PPARG: variants seen among roughly 807,000 people sequenced by gnomAD.
PPARG encodes the protein peroxisome proliferator activated receptor gamma.
PPARG carries 17 observed loss-of-function variants against 39.2 expected under a neutral mutation model. The observed-to-expected ratio is 0.43, with a 90% CI of 0.30 to 0.65. The LOEUF is 0.65. Ranked by LOEUF, PPARG falls within the 30% of genes least tolerant of loss-of-function variation. PPARG has a pLI of 0.13. For synonymous variants in PPARG, 223 were observed against 215.7 expected (o/e 1.03, Z -0.30); for missense variants, 406 against 585.9 (o/e 0.69, Z 3.17).
intron 2 of PPARG, among the ~76,000 whole-genome samples, chr3:12,347,724 A>G (rs1245662605): frequency 2.0e-5 from 3 of 152,316 alleles, no homozygotes; most frequent in South Asian, 2.1e-4. Context: ...AAGAAAATGG[A>G]TGCTATTATC....
intron 2 of PPARG, among the ~76,000 whole-genome samples, chr3:12,324,653 C>T (rs577512586): frequency 1.4e-4 from 21 of 152,204 alleles, no homozygotes; most frequent in African/African-American, 4.1e-4. Flanking sequence ...TGGAATGGAG[C>T]AGCCTTGATC....
At chr3:12,288,082 G>C (rs1193289451), upstream of PPARG, 1 of 153,256 alleles carries the variant, frequency 6.5e-6, no homozygotes, top group Non-Finnish European at 1.4e-5. Flanking sequence ...GGAGTGCTCA[G>C]GGAGGGGGCG....
rs561372151 is a variant in PPARG, at chr3:12,336,446, G to GA, written c.-9+24002dup. Among the ~76,000 whole-genome samples, 5 of 149,826 alleles carry GA rather than the reference G, an allele frequency of 3.3e-5. No individual in the cohort carries two copies. In the East Asian group the frequency reaches 5.8e-4, roughly 17 times the overall value. On this transcript the variant is annotated intron_variant, in intron 2 of 7. Coordinates refer to ENST00000651735, the MANE Select transcript of PPARG (RefSeq NM_138711.6). ...TGACATCTACTAGAAACACTTCAGA[G>GA]AAAAAAAAAGATGGAAGATAATAGT...
At chr3:12,337,831 A>G (rs1408937656) in intron 2 of PPARG, among the ~76,000 whole-genome samples, 2 of 152,214 alleles carry the variant, frequency 1.3e-5, no homozygotes, top group Non-Finnish European at 2.9e-5. Flanking sequence ...ATAAACAACT[A>G]TTTACATAGC....
chr3:12,338,797 A>C (rs1229172431), intron 2 of PPARG, among the ~76,000 whole-genome samples: 1 of 152,178 alleles, frequency 6.6e-6, no homozygotes, highest in Non-Finnish European at 1.5e-5. Context: ...TCATTTACAT[A>C]TTAAAAGTTT....
At chr3:12,372,535 C>G (rs1482965143) in intron 2 of PPARG, among the ~76,000 whole-genome samples, 1 of 152,164 alleles carries the variant, frequency 6.6e-6, no homozygotes. Context: ...GTACTTTGCA[C>G]AGATTTAGTG....
chr3:12,301,151 A>G (rs1278908233), intron 1 of PPARG, among the ~76,000 whole-genome samples: 1 of 152,228 alleles, frequency 6.6e-6, no homozygotes, highest in Non-Finnish European at 1.5e-5. Context: ...TATAGACTTC[A>G]ACATTCTATG....
chr3:12,328,378 T>C (rs550560072), intron 2 of PPARG: 1 of 653,204 alleles, frequency 1.5e-6, no homozygotes, highest in African/African-American at 1.8e-5. Flanking sequence ...TGATGGATGC[T>C]TTATTTGGAT....
chr3:12,408,567 C>CTTTTTTTTT (rs397945616), intron 6 of PPARG, among the ~76,000 whole-genome samples: 13 of 113,244 alleles, frequency 1.1e-4, no homozygotes, highest in Non-Finnish European at 1.6e-4. Flanking sequence ...CTTTTCTTTT[C>CTTTTTTTTT]TTTTTTTTTT....
At chr3:12,383,429 G>A (rs762441835) in intron 4 of PPARG, among the ~76,000 whole-genome samples, 1 of 152,032 alleles carries the variant, frequency 6.6e-6, no homozygotes, top group East Asian at 1.9e-4. Context: ...TGAATGTTTT[G>A]TGGTTTTATT....
In PPARG at chr3:12,306,601, T is replaced by C. The variant is rs2047070871; in HGVS notation, c.-82-5779T>C. 2.6e-5 allele frequency among the ~76,000 whole-genome samples: 4 copies of C among 152,182 alleles called. No individual in the cohort carries two copies. In the South Asian group the frequency reaches 8.3e-4, roughly 32 times the overall value. On this transcript the variant is annotated intron_variant, in intron 1 of 7. Coordinates refer to ENST00000651735, the MANE Select transcript of PPARG (RefSeq NM_138711.6). ...TCACCACCGCCACCACTATTCCACA[T>C]TTAACAATTAGACCTATACAGGTGT... is the stretch of plus-strand genomic sequence containing the variant.
At chr3:12,429,462 C>T (rs1380258966) in intron 7 of PPARG, among the ~76,000 whole-genome samples, 1 of 150,882 alleles carries the variant, frequency 6.6e-6, no homozygotes, top group Non-Finnish European at 1.5e-5. Context: ...TCCCGCTTGT[C>T]ATCCCAGCAC....
chr3:12,403,989 G>A (rs1351064917), intron 5 of PPARG, among the ~76,000 whole-genome samples: 1 of 152,178 alleles, frequency 6.6e-6, no homozygotes, highest in African/African-American at 2.4e-5. Context: ...GATCAGTGCT[G>A]TGAGATAAGG....
intron 5 of PPARG, among the ~76,000 whole-genome samples, chr3:12,400,242 T>C (rs776693933): frequency 6.6e-6 from 1 of 152,258 alleles, no homozygotes; most frequent in African/African-American, 2.4e-5. Context: ...TTAACCTTAG[T>C]AATTAAGTAG....
At chr3:12,414,468 AT>A (rs1003590405) in intron 6 of PPARG, among the ~76,000 whole-genome samples, 10 of 151,578 alleles carry the variant, frequency 6.6e-5, no homozygotes, top group South Asian at 2.1e-4. Context: ...AAATGAAATA[AT>A]TTTTTTTTAG....
At chr3:12,385,997 G>T (rs985087559) in intron 4 of PPARG, among the ~76,000 whole-genome samples, 4 of 152,158 alleles carry the variant, frequency 2.6e-5, no homozygotes, top group Non-Finnish European at 5.9e-5. Flanking sequence ...CAAATGTGCA[G>T]ACATTAGAAT....
At chr3:12,382,251 A>G (rs1018236345) in intron 4 of PPARG, among the ~76,000 whole-genome samples, 2 of 151,626 alleles carry the variant, frequency 1.3e-5, no homozygotes, top group African/African-American at 2.4e-5. Flanking sequence ...AGGAGATACT[A>G]TTTATCCTCA....
At chr3:12,423,211 A>T (rs146726306) in intron 7 of PPARG, among the ~76,000 whole-genome samples, 33 of 152,364 alleles carry the variant, frequency 2.2e-4, no homozygotes, top group African/African-American at 7.5e-4. Flanking sequence ...AGGTTCTAAT[A>T]TAGATAAGTG....
intron 7 of PPARG, among the ~76,000 whole-genome samples, chr3:12,426,621 A>C (rs928883512): frequency 2.0e-5 from 3 of 152,202 alleles, no homozygotes; most frequent in Non-Finnish European, 4.4e-5. Flanking sequence ...GGAAAAATGT[A>C]GAAAGGACCC....
Sources: allele counts gnomAD v4.1 joint callset (sites outside exome capture counted in the v4.1 genomes callset), GRCh38; gene constraint gnomAD v4.1.1; transcripts MANE v1.5; gene names NCBI Gene and HGNC (gene_info 2026-07-23, HGNC 2026-07-21).